The following HELZ variants were observed in gnomAD, a reference collection of about 807,000 sequenced individuals.
The protein encoded by HELZ is ATP-dependent RNA helicase with zinc finger domain.
A neutral mutation model predicts 218.2 loss-of-function variants in HELZ; 23 were observed. That is an observed-to-expected ratio of 0.11 (90% CI 0.08 to 0.15). The LOEUF is 0.15. Ranked by LOEUF, HELZ falls within the 10% of genes least tolerant of loss-of-function variation. The pLI, the probability that HELZ is intolerant of heterozygous loss-of-function variation, is 1.00. For synonymous variants in HELZ, 814 were observed against 829.4 expected, an observed-to-expected ratio of 0.98 and a Z score of 0.32; for missense variants, 1,813 against 2,353.7, an observed-to-expected ratio of 0.77 and a Z score of 4.75.
chr17:67,095,029 A>G (rs1420838074), intron 31 of HELZ, among the ~76,000 whole-genome samples: 33 of 152,226 alleles, frequency 2.2e-4, no homozygotes, highest in Non-Finnish European at 4.4e-5. Flanking sequence ...ATTTCCTTAT[A>G]GCACACAAAG....
intron 7 of HELZ, among the ~76,000 whole-genome samples, chr17:67,198,773 CAT>C (rs1435581391): frequency 6.6e-6 from 1 of 152,162 alleles, no homozygotes; most frequent in Non-Finnish European, 1.5e-5. Context: ...TTAAATGTGT[CAT>C]GTGCAATAAT....
intron 21 of HELZ, among the ~76,000 whole-genome samples, chr17:67,140,832 G>A (rs1056381602): frequency 1.3e-5 from 2 of 152,000 alleles, no homozygotes; most frequent in Non-Finnish European, 2.9e-5. Context: ...AACAGCAGGA[G>A]AAAAACAACT....
chr17:67,101,129 GA>G (rs2036916443), intron 31 of HELZ, among the ~76,000 whole-genome samples: 1 of 148,428 alleles, frequency 6.7e-6, no homozygotes, highest in East Asian at 2.0e-4. Context: ...AAAAAAAAAG[GA>G]AAAATAGAAG....
chr17:67,132,501 T>C (rs2038019596), intron 23 of HELZ, among the ~76,000 whole-genome samples: 1 of 152,176 alleles, frequency 6.6e-6, no homozygotes. Flanking sequence ...CTGACACCTG[T>C]TTGAGTGAAC....
chr17:67,234,979 G>A (rs1428061356), intron 3 of HELZ, among the ~76,000 whole-genome samples: 1 of 152,144 alleles, frequency 6.6e-6, no homozygotes, highest in Non-Finnish European at 1.5e-5. Flanking sequence ...GAAGTACCTT[G>A]TATGGCCCCC....
In HELZ at chr17:67,245,096, G is replaced by A. The variant is rs1299063184; in HGVS notation, c.-132+52C>T. The A allele has an allele frequency of 1.1e-5, 11 of 984,738 alleles. No homozygotes were observed. In the South Asian group the frequency reaches 1.4e-4, roughly 13 times the overall value. The allele number at this position is 984,738 out of a possible 1,614,324, so 61.0% of individuals were successfully genotyped here. A position where few individuals can be genotyped will look rare whatever the true frequency, so the allele number is the denominator to read the frequency against. ...TCGGGTCCCCTCCCCGGAGAGCTCC[G>A]GGAGCTCGCGGAGCGGCCCCAGGAG... On this transcript the variant is annotated intron_variant, in intron 1 of 32. Coordinates refer to ENST00000358691, the MANE Select transcript of HELZ (RefSeq NM_014877.4).
Position 67,160,309 on chromosome 17 carries a change from T to C in HELZ, c.2129A>G (p.Tyr710Cys). ...GCCTGCTTCTACATATGGATGTAAA[T>C]AATCCTTTATGTAGAGATCAGCAGC... ...NSAADLYIKDYLHPYVEAGNP... is the reference protein window; with the variant it reads ...NSAADLYIKDCLHPYVEAGNP... The change falls in exon 17 of 33, where the codon TAT becomes TGT. Residue 710 changes from tyrosine (Y) to cysteine (C), a missense_variant. Tyr to Cys is a radical substitution (Grantham distance 194). This residue lies in a region of HELZ where 714 missense variants were observed against 1,029.2 expected (regional missense o/e 0.69). Transcript: ENST00000358691. 1 of 1,612,850 alleles carries C rather than the reference T, an allele frequency of 6.2e-7. No homozygotes were observed. The highest frequency in any genetic ancestry group is 8.5e-7 in the Non-Finnish European group (1 of 1,179,226).
chr17:67,175,068 T>C (rs532254868), intron 13 of HELZ, among the ~76,000 whole-genome samples: 2 of 152,302 alleles, frequency 1.3e-5, no homozygotes, highest in East Asian at 3.9e-4. Context: ...ACATTCTTCA[T>C]GATTCTAATG....
chr17:67,156,053 G>T (rs2038833556), intron 17 of HELZ, among the ~76,000 whole-genome samples: 1 of 148,608 alleles, frequency 6.7e-6, no homozygotes, highest in Admixed American at 6.7e-5. Flanking sequence ...AAAAATGGAA[G>T]TATCAAAAGA....
At chr17:67,090,623 A>C (rs1185599770) in intron 31 of HELZ, among the ~76,000 whole-genome samples, 1 of 152,152 alleles carries the variant, frequency 6.6e-6, no homozygotes, top group Non-Finnish European at 1.5e-5. Flanking sequence ...TGAGGTTTTA[A>C]GGAAGTGGTT....
chr17:67,210,202 G>A (rs972044187), intron 5 of HELZ, among the ~76,000 whole-genome samples: 18 of 152,166 alleles, frequency 1.2e-4, no homozygotes, highest in Admixed American at 1.2e-3. Flanking sequence ...TCCAGTCTGG[G>A]TGACACCATG....
intron 9 of HELZ, among the ~76,000 whole-genome samples, chr17:67,193,376 A>G (rs1487299047): frequency 2.0e-5 from 3 of 151,836 alleles, no homozygotes; most frequent in African/African-American, 4.8e-5. Context: ...AAAGAAAAAC[A>G]AAAGGACAGA....
At chr17:67,197,471 T>C (rs1047660843) in intron 7 of HELZ, among the ~76,000 whole-genome samples, 2 of 152,156 alleles carry the variant, frequency 1.3e-5, no homozygotes, top group Non-Finnish European at 2.9e-5. Context: ...CCCTGCAGAG[T>C]TTTCCCCTTT....
chr17:67,195,849 TTTC>T, intron 7 of HELZ, among the ~76,000 whole-genome samples: 4 of 143,860 alleles, frequency 2.8e-5, no homozygotes, highest in East Asian at 2.0e-4. Context: ...TTTTTTTTTT[TTTC>T]TTTTTTTTTT....
intron 31 of HELZ, among the ~76,000 whole-genome samples, chr17:67,091,587 A>C (rs1421622274): frequency 6.6e-6 from 1 of 152,184 alleles, no homozygotes; most frequent in African/African-American, 2.4e-5. Flanking sequence ...GATCAGAATG[A>C]CATCATCTGA....
At position 67,135,229 on chromosome 17, in the gene HELZ, T is replaced by C. The variant is rs187089474; in HGVS notation, c.3182+741A>G. ...CGTCTAACCCCCTAATGTTAAGATCTTCTGGATTAACCAGATACAAAGAAT... is the reference window on the plus strand; with the variant it reads ...CGTCTAACCCCCTAATGTTAAGATCCTCTGGATTAACCAGATACAAAGAAT... On this transcript the variant is annotated intron_variant, in intron 23 of 32. Transcript: ENST00000358691. Among the ~76,000 whole-genome samples the C allele has an allele frequency of 1.0e-3, 158 of 152,348 alleles. 1 individual carries two copies. Among genetic ancestry groups the C allele is most frequent in the Non-Finnish European group, 1.9e-3 (132 of 68,030 alleles).
At chr17:67,080,977 C>A (rs1037692292) in intron 32 of HELZ, among the ~76,000 whole-genome samples, 6 of 152,194 alleles carry the variant, frequency 3.9e-5, no homozygotes, top group African/African-American at 1.4e-4. Context: ...CAGCTAGTGA[C>A]TACATTTCCC....
At chr17:67,123,888 T>C in intron 25 of HELZ, 75 bp downstream of exon 25, 4 of 986,306 alleles carry the variant, frequency 4.1e-6, no homozygotes, top group East Asian at 2.4e-5. Flanking sequence ...CACCCTCCTC[T>C]TTCTTGTGGT....
intron 31 of HELZ, among the ~76,000 whole-genome samples, chr17:67,089,969 G>T (rs890948210): frequency 4.6e-5 from 7 of 151,974 alleles, no homozygotes; most frequent in Non-Finnish European, 8.8e-5. Flanking sequence ...GGAATGTTGA[G>T]AACAAATGTC....
Sources: gnomAD v4.1 joint callset for allele counts (sites outside exome capture counted in the v4.1 genomes callset) on GRCh38, gnomAD v4.1.1 for gene constraint, gnomAD v4.1.1 regional missense constraint, MANE v1.5 for transcripts, NCBI Gene and HGNC (gene_info 2026-07-23, HGNC 2026-07-21) for gene names.